Variants in PRKN observed in about 807,000 individuals in gnomAD.
The protein encoded by PRKN is E3 ubiquitin-protein ligase parkin.
Under a neutral mutation model 59.5 loss-of-function variants are expected in PRKN, and 56 were observed. The observed-to-expected ratio is 0.94, with a 90% CI of 0.76 to 1.18. The LOEUF is 1.18. Ranked by LOEUF, PRKN falls within the 50% of genes most tolerant of loss-of-function variation. The pLI is 0.00. For synonymous variants in PRKN, 250 were observed against 222.1 expected, an observed-to-expected ratio of 1.13 and a Z score of -1.12; for missense variants, 657 against 596.4, an observed-to-expected ratio of 1.10 and a Z score of -1.06.
Position 162,602,149 on chromosome 6 carries a change from G to A in PRKN, c.7+125513C>T, listed in dbSNP as rs558125809. On this transcript the variant is annotated intron_variant, in intron 1 of 11. Transcript: ENST00000366898. ...GGAGCGTGCAGGAGAGAGCACCTCCGCGTAGTCCCAAAGAGTCAGAAAAGA... is the reference window on the plus strand; with the variant it reads ...GGAGCGTGCAGGAGAGAGCACCTCCACGTAGTCCCAAAGAGTCAGAAAAGA... 5.9e-5 allele frequency among the ~76,000 whole-genome samples: 9 copies of A among 152,252 alleles called. No homozygotes were observed. The South Asian group carries it at 1.7e-3, about 28-fold the overall frequency.
At chr6:162,497,354 G>C (rs560894929) in intron 1 of PRKN, among the ~76,000 whole-genome samples, 5 of 152,250 alleles carry the variant, frequency 3.3e-5, no homozygotes, top group African/African-American at 1.2e-4. Flanking sequence ...TCCGGAAATA[G>C]GTAAAAGAAC....
At chr6:161,364,420 TACACTCCA>T (rs1785108405) in intron 10 of PRKN, among the ~76,000 whole-genome samples, 2 of 118,702 alleles carry the variant, frequency 1.7e-5, no homozygotes, top group South Asian at 5.4e-4. Context: ...ATCATACCAC[TACACTCCA>T]GCCTGGGCAA....
At chr6:161,670,332 G>A (rs2128168652) in intron 7 of PRKN, among the ~76,000 whole-genome samples, 1 of 152,264 alleles carries the variant, frequency 6.6e-6, no homozygotes, top group Middle Eastern at 3.4e-3. Context: ...CAGTTCTGGA[G>A]CGGGTGTTGG....
At chr6:161,860,462 T>C (rs1399472880) in intron 6 of PRKN, among the ~76,000 whole-genome samples, 2 of 152,184 alleles carry the variant, frequency 1.3e-5, no homozygotes, top group African/African-American at 4.8e-5. Flanking sequence ...GATTTTACAA[T>C]ATTTGCGATC....
chr6:162,533,970 C>CAAA (rs139214272), intron 1 of PRKN, among the ~76,000 whole-genome samples: 3 of 82,914 alleles, frequency 3.6e-5, no homozygotes, highest in Non-Finnish European at 4.4e-5. Flanking sequence ...GACTCCATCT[C>CAAA]AAAAAAAAAA....
chr6:161,436,463 G>T (rs1270611152), intron 9 of PRKN, among the ~76,000 whole-genome samples: 1 of 151,576 alleles, frequency 6.6e-6, no homozygotes, highest in Non-Finnish European at 1.5e-5. Flanking sequence ...ACTTTTTTGG[G>T]GGGGGGTGGG....
chr6:161,389,519 C>A (rs575195844), intron 9 of PRKN, among the ~76,000 whole-genome samples: 1 of 152,214 alleles, frequency 6.6e-6, no homozygotes, highest in Non-Finnish European at 1.5e-5. Context: ...CCAACATTAC[C>A]TGGTTTCAGC....
At chr6:162,258,588 C>T (rs1156246642) in intron 3 of PRKN, among the ~76,000 whole-genome samples, 4 of 152,246 alleles carry the variant, frequency 2.6e-5, no homozygotes, top group East Asian at 1.9e-4. Flanking sequence ...TTTACTATTT[C>T]GGGCAGTACT....
At chr6:162,028,479 C>T (rs1393000340) in intron 5 of PRKN, among the ~76,000 whole-genome samples, 1 of 152,174 alleles carries the variant, frequency 6.6e-6, no homozygotes. Context: ...AGCCCTGGGC[C>T]GGCTGCTGTG....
At chr6:162,484,135 T>C (rs1792434583) in intron 1 of PRKN, among the ~76,000 whole-genome samples, 1 of 152,196 alleles carries the variant, frequency 6.6e-6, no homozygotes, top group South Asian at 2.1e-4. Context: ...AGGAACTGGC[T>C]GTTTGGGCAA....
intron 7 of PRKN, among the ~76,000 whole-genome samples, chr6:161,752,947 G>C (rs1300693477): frequency 6.6e-6 from 1 of 152,160 alleles, no homozygotes; most frequent in Non-Finnish European, 1.5e-5. Context: ...AATGGCATCA[G>C]TATGGGCAGT....
chr6:161,433,964 T>C (rs1411738549), intron 9 of PRKN, among the ~76,000 whole-genome samples: 2 of 152,012 alleles, frequency 1.3e-5, no homozygotes, highest in East Asian at 3.9e-4. Flanking sequence ...TTGCAGTGAG[T>C]TGAGATCACG....
intron 2 of PRKN, among the ~76,000 whole-genome samples, chr6:162,353,051 T>C (rs1784689890): frequency 6.6e-6 from 1 of 152,290 alleles, no homozygotes; most frequent in South Asian, 2.1e-4. Flanking sequence ...GTATGTTGAA[T>C]GAGAAGTTTT....
intron 7 of PRKN, among the ~76,000 whole-genome samples, chr6:161,740,434 C>CT (rs914143924): frequency 6.6e-6 from 1 of 152,162 alleles, no homozygotes; most frequent in Non-Finnish European, 1.5e-5. Flanking sequence ...CTGCAGGGCT[C>CT]TTTTACCTGT....
chr6:162,653,552 T>C (rs1256088116), intron 1 of PRKN, among the ~76,000 whole-genome samples: 1 of 152,196 alleles, frequency 6.6e-6, no homozygotes. Flanking sequence ...AAATTTTGTG[T>C]ATTTGGAATC....
chr6:162,254,453 C>G (rs1251205906), intron 3 of PRKN, among the ~76,000 whole-genome samples: 1 of 143,446 alleles, frequency 7.0e-6, no homozygotes, highest in Non-Finnish European at 1.5e-5. Flanking sequence ...GGGACTCCAT[C>G]TCAAAAAAAA....
intron 2 of PRKN, among the ~76,000 whole-genome samples, chr6:162,413,980 A>G (rs1335327451): frequency 6.6e-6 from 1 of 151,946 alleles, no homozygotes; most frequent in Non-Finnish European, 1.5e-5. Flanking sequence ...TCAAGAATTC[A>G]AGACCAGCCT....
At chr6:162,119,974 T>C (rs1021931645) in intron 4 of PRKN, among the ~76,000 whole-genome samples, 11 of 152,174 alleles carry the variant, frequency 7.2e-5, no homozygotes, top group Non-Finnish European at 1.5e-4. Context: ...TCATTATCTT[T>C]TTAGTTCTTC....
At chr6:161,555,693 GTGC>G (rs1175973528) in intron 8 of PRKN, among the ~76,000 whole-genome samples, 3 of 152,146 alleles carry the variant, frequency 2.0e-5, no homozygotes, top group Non-Finnish European at 2.9e-5. Flanking sequence ...GAGACCTAAA[GTGC>G]TCCAAGCCCT....
Sources: gnomAD v4.1 joint callset for allele counts (sites outside exome capture counted in the v4.1 genomes callset) on GRCh38, gnomAD v4.1.1 for gene constraint, MANE v1.5 for transcripts, NCBI Gene and HGNC (gene_info 2026-07-23, HGNC 2026-07-21) for gene names.